COPA: variants seen among roughly 807,000 people sequenced by gnomAD.
The protein encoded by COPA is coatomer subunit alpha.
In COPA, 10 loss-of-function variants were observed where a neutral mutation model predicts 158.7. The observed-to-expected ratio is 0.06, with a 90% confidence interval of 0.04 to 0.11. The LOEUF (loss-of-function observed/expected upper bound fraction) is 0.11, where lower values mean the gene tolerates loss of function less well. Ranked by LOEUF, COPA falls within the 10% of genes least tolerant of loss-of-function variation. COPA has a pLI of 1.00. For synonymous variants in COPA, 462 were observed against 542.8 expected (o/e 0.85, Z 2.07); for missense variants, 1,065 against 1,536.7 (o/e 0.69, Z 5.13).
chr1:160,295,685 GT>G, intron 23 of COPA, 50 bp downstream of exon 23: 1 of 1,546,248 alleles, frequency 6.5e-7, no homozygotes, highest in Non-Finnish European at 8.7e-7. Flanking sequence ...CTCTAGGACA[GT>G]TCTTCACAAA....
chr1:160,304,005 G>A (rs987649260), intron 17 of COPA, among the ~76,000 whole-genome samples: 1 of 151,892 alleles, frequency 6.6e-6, no homozygotes, highest in Non-Finnish European at 1.5e-5. Flanking sequence ...AAGAAGACAA[G>A]AAAGGAAATT....
At chr1:160,327,730 T>C (rs1647316200) in intron 6 of COPA, among the ~76,000 whole-genome samples, 1 of 151,952 alleles carries the variant, frequency 6.6e-6, no homozygotes, top group Non-Finnish European at 1.5e-5. Flanking sequence ...TGGTGGTGCA[T>C]GCCTGTAATC....
At chr1:160,301,668 G>A (rs964565027) in intron 17 of COPA, among the ~76,000 whole-genome samples, 1 of 152,158 alleles carries the variant, frequency 6.6e-6, no homozygotes, top group African/African-American at 2.4e-5. Flanking sequence ...AGCTACTTGG[G>A]AGGCTGAGCT....
chr1:160,290,053 G>T lies in COPA; in HGVS notation c.*104C>A. 1 of 1,057,556 alleles carries T rather than the reference G, an allele frequency of 9.5e-7. No homozygotes were observed. Among genetic ancestry groups the T allele is most frequent in the South Asian group, 1.4e-5 (1 of 73,202 alleles). 65.5% of individuals were successfully genotyped at this position (1,057,556 alleles called of 1,614,324 possible). Reference sequence around the variant, plus strand: ...CTAGGTTTTAGGGTACAGAGAGCCAGATCTGAAGAGTAGCTGCAGGGGGAA... The same window carrying T: ...CTAGGTTTTAGGGTACAGAGAGCCATATCTGAAGAGTAGCTGCAGGGGGAA... On this transcript the variant is annotated 3_prime_UTR_variant, in exon 33 of 33. Coordinates refer to ENST00000241704, the MANE Select transcript of COPA (RefSeq NM_004371.4).
In COPA at chr1:160,297,762, G is replaced by T. The variant is rs775260404; in HGVS notation, c.1978-17C>A. Reference sequence around the variant, plus strand: ...CAGAGCAATCTAAAGAATCCCCAGGGTCGTGTTAACAGGTTGAAGGACAAT... The same window carrying T: ...CAGAGCAATCTAAAGAATCCCCAGGTTCGTGTTAACAGGTTGAAGGACAAT... On this transcript the variant is annotated splice_polypyrimidine_tract_variant and intron_variant, in intron 19 of 32. Coordinates refer to ENST00000241704, the MANE Select transcript of COPA (RefSeq NM_004371.4). 1 of 1,611,444 alleles carries T rather than the reference G, an allele frequency of 6.2e-7. No individual in the cohort carries two copies. Among genetic ancestry groups the T allele is most frequent in the South Asian group, 1.1e-5 (1 of 90,784 alleles).
At position 160,305,629 on chromosome 1, in the gene COPA, C is replaced by T. The variant is rs760805632; in HGVS notation, c.1529-58G>A. 1.1e-5 allele frequency: 17 copies of T among 1,613,866 alleles called. No individual in the cohort carries two copies. In the Admixed American group the frequency reaches 2.8e-4, roughly 27 times the overall value. On this transcript the variant is annotated intron_variant, in intron 16 of 32. Coordinates refer to ENST00000241704, the MANE Select transcript of COPA (RefSeq NM_004371.4). Reference sequence around the variant, plus strand: ...GGATAGGGTAAGTGCCGTAGACTGGCAGGGATCGGGGTGGAAGGGAATGGT... The same window carrying T: ...GGATAGGGTAAGTGCCGTAGACTGGTAGGGATCGGGGTGGAAGGGAATGGT...
rs1557861228 is a variant in COPA, at chr1:160,295,765, C to T, written c.2447G>A (p.Gly816Glu). The part of the protein sequence containing the change: ...TNWPLLTVSK[G>E]FFEGTIASKG... ...GCTGGCAATGGTGCCTTCAAAAAAT[C>T]CTTTGGATACAGTCAATAAAGGCCA... The change falls in exon 23 of 33, where the codon GGA becomes GAA. Residue 816 changes from glycine (G) to glutamate (E), a missense_variant. This residue lies in a region of COPA where 980 missense variants were observed against 1,357.8 expected (regional missense o/e 0.72). Coordinates refer to ENST00000241704, the MANE Select transcript of COPA (RefSeq NM_004371.4). 6.2e-7 allele frequency: 1 copy of T among 1,609,086 alleles called. No individual in the cohort carries two copies. The highest frequency in any genetic ancestry group is 8.5e-7 in the Non-Finnish European group (1 of 1,178,808).
chr1:160,297,457 A>G lies in COPA; in HGVS notation c.2168-19T>C. 1 of 1,613,722 alleles carries G rather than the reference A, an allele frequency of 6.2e-7. No homozygotes were observed. The highest frequency in any genetic ancestry group is 2.2e-5 in the East Asian group (1 of 44,884). On this transcript the variant is annotated intron_variant, in intron 20 of 32. Coordinates refer to ENST00000241704, the MANE Select transcript of COPA (RefSeq NM_004371.4). ...ATCTCAGCTGCACCAAGTAAGAGAC[A>G]CCAAGTTAGGTCTTTTCTCTTAAGT...
At position 160,291,423 on chromosome 1, in the gene COPA, A is replaced by C. The variant is rs759108773; in HGVS notation, c.3332T>G (p.Leu1111Arg). 6.2e-7 allele frequency: 1 copy of C among 1,614,024 alleles called. No homozygotes were observed. The highest frequency in any genetic ancestry group is 1.3e-5 in the African/African-American group (1 of 74,914). Reference protein sequence around the residue: ...MILVLRTALNLFFKLKNFKTA... With the variant: ...MILVLRTALNRFFKLKNFKTA... ...CTTGAAGTTCTTGAGCTTGAAGAACAGATTGAGGGCTGTACGCAGCACCAG... is the reference window on the plus strand; with the variant it reads ...CTTGAAGTTCTTGAGCTTGAAGAACCGATTGAGGGCTGTACGCAGCACCAG... The change falls in exon 31 of 33, where the codon CTG (leucine) becomes CGG (arginine). Residue 1111 changes from leucine to arginine, a missense_variant. Transcript: ENST00000241704.
intron 13 of COPA, 138 bp downstream of exon 13, chr1:160,308,957 TGATGCA>T (rs1330905769): frequency 1.5e-6 from 1 of 647,090 alleles, no homozygotes; most frequent in Non-Finnish European, 2.8e-6. Context: ...TGGTCGCCTC[TGATGCA>T]ATTGTCAGCA....
intron 8 of COPA, among the ~76,000 whole-genome samples, chr1:160,318,093 G>C (rs1260288542): frequency 6.6e-6 from 1 of 152,104 alleles, no homozygotes; most frequent in Non-Finnish European, 1.5e-5. Context: ...CTTTCAGTGG[G>C]AGATGGAAGT....
chr1:160,307,179 A>G lies in COPA; in HGVS notation c.1286T>C (p.Leu429Pro). The change falls in exon 14 of 33, where the codon CTA (leucine) becomes CCA (proline). Residue 429 changes from leucine to proline, a missense_variant. Leu to Pro is a moderately conservative substitution (Grantham distance 98, BLOSUM62 -3). This residue lies in a region of COPA where 980 missense variants were observed against 1,357.8 expected (regional missense o/e 0.72). Transcript: ENST00000241704. ...TTAACTCACCGAATGCATCCGATCTAGGACAGCAAACCGATTTCGAGCGAC... is the reference window on the plus strand; with the variant it reads ...TTAACTCACCGAATGCATCCGATCTGGGACAGCAAACCGATTTCGAGCGAC... ...VWVARNRFAVLDRMHSLLIKN... is the reference protein window; with the variant it reads ...VWVARNRFAVPDRMHSLLIKN... 6.2e-7 allele frequency: 1 copy of G among 1,614,174 alleles called. No homozygotes were observed. The highest frequency in any genetic ancestry group is 8.5e-7 in the Non-Finnish European group (1 of 1,179,998).
intron 8 of COPA, among the ~76,000 whole-genome samples, chr1:160,318,920 A>G (rs1659246308): frequency 1.3e-5 from 2 of 152,114 alleles, no homozygotes; most frequent in South Asian, 4.1e-4. Context: ...ACATATTACC[A>G]AAGAAAATCA....
chr1:160,336,570 T>C (rs16831829), intron 3 of COPA, among the ~76,000 whole-genome samples: 1,842 of 152,248 alleles, frequency 0.012, 43 homozygotes, highest in African/African-American at 0.041. Context: ...TTGAGTCAAC[T>C]ACCAAAGTAC....
At chr1:160,324,656 G>C (rs1659435829) in intron 7 of COPA, among the ~76,000 whole-genome samples, 1 of 151,974 alleles carries the variant, frequency 6.6e-6, no homozygotes, top group Non-Finnish European at 1.5e-5. Flanking sequence ...CCCAGCACAT[G>C]ATATGTGATA....
At chr1:160,315,884 A>C (rs1379845338) in intron 8 of COPA, among the ~76,000 whole-genome samples, 2 of 152,238 alleles carry the variant, frequency 1.3e-5, no homozygotes, top group African/African-American at 4.8e-5. Context: ...ATGGCTGAAA[A>C]ACAATTAAGA....
Position 160,290,062 on chromosome 1 carries a change from A to T in COPA, c.*95T>A. 9.0e-7 allele frequency: 1 copy of T among 1,109,860 alleles called. No homozygotes were observed. Among genetic ancestry groups the T allele is most frequent in the South Asian group, 1.3e-5 (1 of 75,698 alleles). 68.8% of individuals were successfully genotyped at this position (1,109,860 alleles called of 1,614,324 possible). A position where few individuals can be genotyped will look rare whatever the true frequency, so the allele number is the denominator to read the frequency against. ...AGGGTACAGAGAGCCAGATCTGAAG[A>T]GTAGCTGCAGGGGGAAGGTGCTGTT... On this transcript the variant is annotated 3_prime_UTR_variant, in exon 33 of 33. Transcript: ENST00000241704.
chr1:160,325,428 G>A (rs1659459185), intron 7 of COPA, 115 bp downstream of exon 7: 1 of 870,888 alleles, frequency 1.1e-6, no homozygotes, highest in Non-Finnish European at 1.9e-6. Flanking sequence ...AACAGTGCCT[G>A]GCACTTAATA....
At chr1:160,343,045 C>G in intron 1 of COPA, 86 bp downstream of exon 1, 13 of 1,554,034 alleles carry the variant, frequency 8.4e-6, no homozygotes, top group Non-Finnish European at 1.2e-5. Flanking sequence ...CCATTTCGAC[C>G]AACACCTCTA....
Sources: gnomAD v4.1 joint callset for allele counts (sites outside exome capture counted in the v4.1 genomes callset) on GRCh38, gnomAD v4.1.1 for gene constraint, gnomAD v4.1.1 regional missense constraint, MANE v1.5 for transcripts, NCBI Gene and HGNC (gene_info 2026-07-23, HGNC 2026-07-21) for gene names.